AIG1: variants seen among roughly 807,000 people sequenced by gnomAD.
AIG1 encodes androgen-induced gene 1 protein.
Under a neutral mutation model 31.4 loss-of-function variants are expected in AIG1, and 23 were observed. The observed-to-expected ratio is 0.73, with a 90% CI of 0.53 to 1.04. The LOEUF (loss-of-function observed/expected upper bound fraction) is 1.04. Among genes scored for constraint, AIG1 ranks in the 50% least tolerant of loss-of-function variants. The pLI, the probability that AIG1 is intolerant of heterozygous loss-of-function variation, is 0.00. For synonymous variants in AIG1, 100 were observed against 110.5 expected, an observed-to-expected ratio of 0.90 and a Z score of 0.60; for missense variants, 274 against 295.0, an observed-to-expected ratio of 0.93 and a Z score of 0.52.
intron 4 of AIG1, among the ~76,000 whole-genome samples, chr6:143,323,640 CA>C (rs760673653): frequency 1.5e-4 from 23 of 152,120 alleles, no homozygotes; most frequent in Middle Eastern, 6.8e-3. Context: ...GCCCTGTTTC[CA>C]TCTAAGCTGA....
At chr6:143,075,430 A>G (rs928793553) in intron 1 of AIG1, among the ~76,000 whole-genome samples, 2 of 151,954 alleles carry the variant, frequency 1.3e-5, no homozygotes, top group African/African-American at 4.8e-5. Flanking sequence ...CAGCCCCCCA[A>G]GTAGCAGGGA....
intron 1 of AIG1, among the ~76,000 whole-genome samples, chr6:143,102,445 G>A (rs1780373612): frequency 6.9e-6 from 1 of 144,350 alleles, no homozygotes; most frequent in Non-Finnish European, 1.5e-5. Context: ...CATTGTTCAG[G>A]GCCTCTTAGG....
chr6:143,062,949 C>T (rs1776384579), intron 1 of AIG1, among the ~76,000 whole-genome samples: 1 of 152,136 alleles, frequency 6.6e-6, no homozygotes, highest in South Asian at 2.1e-4. Context: ...GCCATAGGTT[C>T]TAGAAACAGC....
At chr6:143,154,450 G>T (rs1322677012) in intron 2 of AIG1, among the ~76,000 whole-genome samples, 2 of 152,056 alleles carry the variant, frequency 1.3e-5, no homozygotes, top group African/African-American at 4.8e-5. Flanking sequence ...TGTGGGGAGG[G>T]TGTGACTATC....
chr6:143,153,090 G>T (rs753118547), intron 2 of AIG1, among the ~76,000 whole-genome samples: 2 of 152,216 alleles, frequency 1.3e-5, no homozygotes, highest in East Asian at 3.9e-4. Context: ...CTGGTCACAG[G>T]GATCCATCCA....
chr6:143,154,900 T>G (rs1393240422), intron 2 of AIG1, among the ~76,000 whole-genome samples: 1 of 152,152 alleles, frequency 6.6e-6, no homozygotes, highest in Non-Finnish European at 1.5e-5. Flanking sequence ...CAGGCTGGAG[T>G]GCAGCGGTGT....
rs1276518037 is a variant in AIG1, at chr6:143,258,346, A to G, written c.400-25764A>G. 1.3e-5 allele frequency among the ~76,000 whole-genome samples: 2 copies of G among 150,924 alleles called. No homozygotes were observed. Among genetic ancestry groups the G allele is most frequent in the East Asian group, 4.3e-4 (2 of 4,704 alleles). On this transcript the variant is annotated intron_variant, in intron 3 of 5. Transcript: ENST00000357847. This position sits in a 1 kb window ranked among gnomAD's most constrained non-coding sequence, Gnocchi z 4.7. ...TTTTGTGAACAATCACCAGCATATT[A>G]TAATTCAAATCATCAGTAGAATTGT...
At chr6:143,220,987 TTTTA>T (rs1792462216) in intron 3 of AIG1, among the ~76,000 whole-genome samples, 1 of 151,868 alleles carries the variant, frequency 6.6e-6, no homozygotes. Flanking sequence ...TATCACTAGT[TTTTA>T]TTGTTGTTGT....
intron 3 of AIG1, among the ~76,000 whole-genome samples, chr6:143,212,025 A>G (rs1412729634): frequency 6.6e-6 from 1 of 152,080 alleles, no homozygotes; most frequent in Non-Finnish European, 1.5e-5. Context: ...TTGGGACCGG[A>G]TAATTCTTGT....
rs1444768986 is a variant in AIG1 at position 143,136,848 on chromosome 6, T to C, written c.155T>C (p.Val52Ala). Residue 52 changes from valine to alanine, a missense_variant, in exon 2 of 6, where the codon GTC (valine) becomes GCC (alanine). Physicochemically the swap from Val to Ala is moderately conservative, Grantham distance 64 (BLOSUM62 0). Around this residue, in one of 2 missense-constraint regions of AIG1, gnomAD observed 243 missense variants for 238.5 expected, o/e 1.02. Coordinates refer to ENST00000357847, the MANE Select transcript of AIG1 (RefSeq NM_016108.4). ...LTFIDLVIQAVFFGICVLTDL... is the reference protein window; with the variant it reads ...LTFIDLVIQAAFFGICVLTDL... ...GTCCCCCTACAGGTTATCCAGGCTG[T>C]CTTTTTTGGCATCTGTGTGCTGACT... 6.9e-7 allele frequency: 1 copy of C among 1,439,220 alleles called. No homozygotes were observed. The highest frequency in any genetic ancestry group is 2.2e-5 in the Admixed American group (1 of 45,598). 89.2% of individuals were successfully genotyped at this position (1,439,220 alleles called of 1,614,324 possible).
intron 4 of AIG1, among the ~76,000 whole-genome samples, chr6:143,301,563 A>C (rs559516117): frequency 1.3e-5 from 2 of 152,362 alleles, no homozygotes; most frequent in African/African-American, 4.8e-5. Context: ...GGAAACTTAC[A>C]ATCATGGTGG....
chr6:143,100,468 C>A (rs767198829), intron 1 of AIG1, among the ~76,000 whole-genome samples: 7 of 152,134 alleles, frequency 4.6e-5, no homozygotes, highest in Non-Finnish European at 1.0e-4. Context: ...TTGTCCATAG[C>A]TTTAATCCAC....
intron 3 of AIG1, among the ~76,000 whole-genome samples, chr6:143,244,647 A>G (rs562870898): frequency 1.5e-4 from 23 of 152,348 alleles, no homozygotes; most frequent in African/African-American, 3.6e-4. Flanking sequence ...CTGAAGTTTC[A>G]TAAACAAAAC....
chr6:143,305,483 C>G (rs1315407173), intron 4 of AIG1, among the ~76,000 whole-genome samples: 14 of 152,138 alleles, frequency 9.2e-5, no homozygotes, highest in Admixed American at 7.9e-4. Context: ...TTGTTATGTA[C>G]CCAGTAGTCA....
chr6:143,066,874 T>C (rs1230539161), intron 1 of AIG1, among the ~76,000 whole-genome samples: 1 of 152,110 alleles, frequency 6.6e-6, no homozygotes, highest in African/African-American at 2.4e-5. Context: ...AGATATTTAT[T>C]TAAAGAACAT....
At chr6:143,110,707 T>C (rs186372434) in intron 1 of AIG1, among the ~76,000 whole-genome samples, 6 of 152,264 alleles carry the variant, frequency 3.9e-5, no homozygotes, top group Non-Finnish European at 4.4e-5. Flanking sequence ...TTTTGGTTGT[T>C]GGTTTGAGGT....
chr6:143,271,802 G>A (rs77037547), intron 3 of AIG1, among the ~76,000 whole-genome samples: 1 of 152,204 alleles, frequency 6.6e-6, no homozygotes, highest in East Asian at 1.9e-4. Flanking sequence ...TTACATAATA[G>A]GAAATTATCA....
At chr6:143,132,525 GAA>G (rs1783337471) in intron 1 of AIG1, among the ~76,000 whole-genome samples, 1 of 151,962 alleles carries the variant, frequency 6.6e-6, no homozygotes, top group Admixed American at 6.6e-5. Context: ...AAAATTTTAT[GAA>G]ATTTGATTAC....
At chr6:143,212,913 C>T (rs1179843729) in intron 3 of AIG1, among the ~76,000 whole-genome samples, 2 of 152,140 alleles carry the variant, frequency 1.3e-5, no homozygotes, top group Non-Finnish European at 2.9e-5. Context: ...GATTTTAAAC[C>T]AAGGCAGAGT....
Sources: gnomAD v4.1 joint callset for allele counts (sites outside exome capture counted in the v4.1 genomes callset) on GRCh38, gnomAD v4.1.1 for gene constraint, gnomAD v4.1.1 regional missense constraint, Gnocchi (gnomAD v3.1) non-coding constraint, MANE v1.5 for transcripts, NCBI Gene and HGNC (gene_info 2026-07-23, HGNC 2026-07-21) for gene names.